The following NFASC variants were observed in gnomAD, a reference collection of about 807,000 sequenced individuals.
NFASC encodes the protein neurofascin homolog.
NFASC carries 43 observed loss-of-function variants against 147.5 expected under a neutral mutation model. The ratio of observed to expected loss-of-function variants is 0.29; its 90% CI spans 0.23 to 0.38. The LOEUF is 0.38. Among genes scored for constraint, NFASC ranks in the 10% least tolerant of loss-of-function variants. The pLI is 1.00. For missense variants in NFASC, 1,320 were observed against 1,689.0 expected (o/e 0.78, Z 3.83); for synonymous variants, 622 against 665.5 (o/e 0.93, Z 1.01).
chr1:205,011,919 A>G (rs904775226), intron 28 of NFASC, among the ~76,000 whole-genome samples: 1 of 152,176 alleles, frequency 6.6e-6, no homozygotes, highest in African/African-American at 2.4e-5. Flanking sequence ...TCTCTACTAA[A>G]AATACAAAAA....
chr1:204,921,801 G>A (rs2090543388), intron 2 of NFASC, among the ~76,000 whole-genome samples: 1 of 152,040 alleles, frequency 6.6e-6, no homozygotes, highest in South Asian at 2.1e-4. Flanking sequence ...ATCAATGAGG[G>A]TTATTATGAT....
In NFASC at chr1:204,914,320, G is replaced by A. The variant is rs114874855; in HGVS notation, c.-199-6312G>A. 7.6e-3 allele frequency among the ~76,000 whole-genome samples: 1,156 copies of A among 152,260 alleles called. 14 individuals carry two copies. The highest frequency in any genetic ancestry group is 0.026 in the African/African-American group (1,076 of 41,534). On this transcript the variant is annotated intron_variant, in intron 1 of 29. Transcript: ENST00000339876. ...CTGGTGGAGGTAATTGAATCATGGGGGCAGTTTCCTCCATGCTATGCTCAT... is the reference window on the plus strand; with the variant it reads ...CTGGTGGAGGTAATTGAATCATGGGAGCAGTTTCCTCCATGCTATGCTCAT...
chr1:204,902,179 C>T (rs2084781366), intron 1 of NFASC, among the ~76,000 whole-genome samples: 1 of 152,118 alleles, frequency 6.6e-6, no homozygotes. Context: ...CCTGTAGTCA[C>T]AGCTATTCAG....
chr1:204,887,703 C>G lies in NFASC; in HGVS notation c.-199-32929C>G, dbSNP rs547992174. On this transcript the variant is annotated intron_variant, in intron 1 of 29. Transcript: ENST00000339876. ...CTTCGAACTCCCAGGCTCAAACAGT[C>G]CTCCCACCTCAGCCTCCCAAGTAGC... Among the ~76,000 whole-genome samples the G allele has an allele frequency of 9.6e-5, 14 of 146,450 alleles. No homozygotes were observed. In the East Asian group the frequency reaches 2.6e-3, roughly 27 times the overall value.
chr1:204,870,174 G>A (rs568753760), intron 1 of NFASC, among the ~76,000 whole-genome samples: 2 of 152,252 alleles, frequency 1.3e-5, no homozygotes, highest in South Asian at 4.1e-4. Context: ...GAGGTTGAAG[G>A]GACTGGAGAT....
intron 2 of NFASC, among the ~76,000 whole-genome samples, chr1:204,926,291 A>G (rs1443705639): frequency 6.7e-6 from 1 of 148,820 alleles, no homozygotes; most frequent in Non-Finnish European, 1.5e-5. Flanking sequence ...TTGAAACTGT[A>G]TGTGTAAATT....
In NFASC at chr1:204,887,323, G is replaced by A. The variant is rs147103591; in HGVS notation, c.-199-33309G>A. Among the ~76,000 whole-genome samples, 113 of 152,274 alleles carry A rather than the reference G, an allele frequency of 7.4e-4. 1 individual carries two copies. The highest frequency in any genetic ancestry group is 4.1e-3 in the South Asian group (20 of 4,826). ...AAGGTTCATCCAGGTTGTAGCATGA[G>A]TCAAAATTTCCTTCTTCCAAATACT... is the stretch of plus-strand genomic sequence containing the variant. On this transcript the variant is annotated intron_variant, in intron 1 of 29. Transcript: ENST00000339876.
At chr1:204,892,994 A>G (rs1558006914) in intron 1 of NFASC, among the ~76,000 whole-genome samples, 1 of 152,218 alleles carries the variant, frequency 6.6e-6, no homozygotes, top group Non-Finnish European at 1.5e-5. Flanking sequence ...GTTAGGAAGC[A>G]AAAAAACAAT....
At chr1:204,980,743 T>C (rs2095495644) in intron 20 of NFASC, among the ~76,000 whole-genome samples, 1 of 152,178 alleles carries the variant, frequency 6.6e-6, no homozygotes, top group South Asian at 2.1e-4. Context: ...AGACTTCTCT[T>C]GAAGGAGGAG....
Position 204,997,343 on chromosome 1 carries a change from G to GCCGCCA in NFASC, c.2959_2964dup (p.Ala987_Thr988dup). The GCCGCCA allele has an allele frequency of 6.4e-7, 1 of 1,562,862 alleles. No homozygotes were observed. Among genetic ancestry groups the GCCGCCA allele is most frequent in the Non-Finnish European group, 8.7e-7 (1 of 1,153,592 alleles). On this transcript the variant is annotated inframe_insertion, in exon 25 of 30. Coordinates refer to ENST00000339876, the MANE Select transcript of NFASC (RefSeq NM_001005388.3). ...CGCCACAACTACTACAACCACTGCT[G>GCCGCCA]CCGCCACCACCACCACGGAGAGTCC...
At chr1:204,858,639 C>T (rs1218844360) in intron 1 of NFASC, among the ~76,000 whole-genome samples, 2 of 152,164 alleles carry the variant, frequency 1.3e-5, no homozygotes, top group Non-Finnish European at 2.9e-5. Flanking sequence ...CCCCTCTCCT[C>T]ACTCCCTCCG....
intron 1 of NFASC, among the ~76,000 whole-genome samples, chr1:204,869,812 AGTTT>A (rs1486915459): frequency 2.9e-4 from 44 of 152,338 alleles, no homozygotes; most frequent in Middle Eastern, 6.8e-3. Flanking sequence ...GGCGTGCCAT[AGTTT>A]GTTTATCATT....
At chr1:204,921,666 T>C (rs1012087887) in intron 2 of NFASC, among the ~76,000 whole-genome samples, 5 of 152,200 alleles carry the variant, frequency 3.3e-5, no homozygotes, top group African/African-American at 1.2e-4. Flanking sequence ...TTGGGAACGC[T>C]GAACCCCTCT....
chr1:204,950,710 T>C, intron 4 of NFASC, 136 bp downstream of exon 4: 1 of 792,870 alleles, frequency 1.3e-6, no homozygotes, highest in Non-Finnish European at 2.2e-6. Context: ...TAGTGAGGTA[T>C]CTTACTGCGG....
chr1:204,986,224 G>A lies in NFASC; in HGVS notation c.2471-1194G>A. 1.3e-6 allele frequency: 1 copy of A among 771,940 alleles called. No homozygotes were observed. Among genetic ancestry groups the A allele is most frequent in the Non-Finnish European group, 2.2e-6 (1 of 458,510 alleles). The allele number at this position is 771,940 out of a possible 1,614,324, so 47.8% of individuals were successfully genotyped here. On this transcript the variant is annotated intron_variant, in intron 21 of 29. Transcript: ENST00000339876. The surrounding 1 kb of genome is among the most constrained non-coding windows in gnomAD (Gnocchi z 4.2). ...GCATGGATGGCACAAGGTGACTTCT[G>A]CGAGGCCTCCAGGAGCGGATGACCT...
At chr1:205,007,504 G>GGGAA (rs955440208) in intron 27 of NFASC, among the ~76,000 whole-genome samples, 4 of 150,804 alleles carry the variant, frequency 2.7e-5, no homozygotes, top group Admixed American at 6.6e-5. Flanking sequence ...AAGGGAGGGA[G>GGGAA]GGAAGGAAGG....
chr1:204,855,390 G>A (rs548382092), intron 1 of NFASC, among the ~76,000 whole-genome samples: 1 of 152,298 alleles, frequency 6.6e-6, no homozygotes, highest in South Asian at 2.1e-4. Context: ...TTGTGGAAAA[G>A]GCAGACTTTA....
chr1:204,898,448 G>A (rs576540079), intron 1 of NFASC, among the ~76,000 whole-genome samples: 2 of 152,236 alleles, frequency 1.3e-5, no homozygotes, highest in South Asian at 2.1e-4. Flanking sequence ...TGTATAGATC[G>A]CTCTTTTTAT....
intron 2 of NFASC, among the ~76,000 whole-genome samples, chr1:204,927,436 A>ATACT (rs1348342549): frequency 1.3e-5 from 2 of 149,958 alleles, no homozygotes; most frequent in African/African-American, 4.9e-5. Flanking sequence ...CTGTGTAGAT[A>ATACT]TACTGCATTT....
Sources: gnomAD v4.1 joint callset for allele counts (sites outside exome capture counted in the v4.1 genomes callset) on GRCh38, gnomAD v4.1.1 for gene constraint, Gnocchi (gnomAD v3.1) non-coding constraint, MANE v1.5 for transcripts, NCBI Gene and HGNC (gene_info 2026-07-23, HGNC 2026-07-21) for gene names.